The following PRPF40B variants were observed in gnomAD, a reference collection of about 807,000 sequenced individuals.
PRPF40B encodes pre-mRNA-processing factor 40 homolog B.
Under a neutral mutation model 124.5 loss-of-function variants are expected in PRPF40B, and 56 were observed. The ratio of observed to expected loss-of-function variants is 0.45; its 90% CI spans 0.36 to 0.56. PRPF40B has a LOEUF of 0.56. Ranked by LOEUF, PRPF40B falls within the 20% of genes least tolerant of loss-of-function variation. PRPF40B has a pLI of 0.00. For missense variants in PRPF40B, 1,053 were observed against 1,169.5 expected (o/e 0.90, Z 1.45); for synonymous variants, 443 against 426.4 (o/e 1.04, Z -0.48).
At position 49,635,351 on chromosome 12, in the gene PRPF40B, T is replaced by C. The variant is rs373682819; in HGVS notation, c.1167-14T>C. ...GTTCTCTGTCTACCTACTCACAGCTTATATGCTCCACAGGCGGGCAGAACA... is the reference window on the plus strand; with the variant it reads ...GTTCTCTGTCTACCTACTCACAGCTCATATGCTCCACAGGCGGGCAGAACA... On this transcript the variant is annotated splice_polypyrimidine_tract_variant and intron_variant, in intron 13 of 25. Transcript: ENST00000548825. This position sits in a 1 kb window ranked among gnomAD's most constrained non-coding sequence, Gnocchi z 4.1. The C allele has an allele frequency of 7.3e-5, 118 of 1,612,022 alleles. No individual in the cohort carries two copies. The highest frequency in any genetic ancestry group is 1.3e-4 in the Admixed American group (8 of 59,648).
At position 49,637,763 on chromosome 12, in the gene PRPF40B, A is replaced by T. The variant is rs201538338; in HGVS notation, c.1706A>T (p.Tyr569Phe). 2.6e-5 allele frequency: 41 copies of T among 1,603,982 alleles called. No homozygotes were observed. Among genetic ancestry groups the T allele is most frequent in the Non-Finnish European group, 3.1e-5 (36 of 1,175,114 alleles). Residue 569 changes from tyrosine (Y) to phenylalanine (F), a missense_variant, in exon 18 of 26, where the codon TAT becomes TTT. Coordinates refer to ENST00000548825, the MANE Select transcript of PRPF40B (RefSeq NM_001031698.3). The part of the protein sequence containing the change: ...GSTPLDLFKF[Y>F]VEELKARFHD... ...ACCCCTCTGGACTTATTCAAGTTCT[A>T]TGTGGAGGAGTTGAAGGCACGATTC... is the stretch of plus-strand genomic sequence containing the variant.
Position 49,635,572 on chromosome 12 carries a change from C to A in PRPF40B, c.1275+99C>A. The A allele has an allele frequency of 8.4e-7, 1 of 1,189,928 alleles. No homozygotes were observed. The highest frequency in any genetic ancestry group is 1.2e-6 in the Non-Finnish European group (1 of 841,990). 73.7% of individuals were successfully genotyped at this position (1,189,928 alleles called of 1,614,324 possible). A position where few individuals can be genotyped will look rare whatever the true frequency, so the allele number is the denominator to read the frequency against. ...CTCGCCATTTACTTCTCTACTTCCC[C>A]AGTGTCCCAGCTTCTGACTTGGAAG... On this transcript the variant is annotated intron_variant, in intron 14 of 25. Transcript: ENST00000548825. The surrounding 1 kb of genome is among the most constrained non-coding windows in gnomAD (Gnocchi z 4.1).
At position 49,630,542 on chromosome 12, in the gene PRPF40B, C is replaced by A; in HGVS notation, c.4-3C>A. ...GTCCTATGACTTTTCTCTCCCTCAA[C>A]AGTCGGTTCCCGATTCTGGTCCCCG... On this transcript the variant is annotated splice_polypyrimidine_tract_variant and splice_region_variant and intron_variant, in intron 1 of 25. Transcript: ENST00000548825. The A allele has an allele frequency of 7.3e-7, 1 of 1,367,428 alleles. No individual in the cohort carries two copies. Among genetic ancestry groups the A allele is most frequent in the Non-Finnish European group, 1.0e-6 (1 of 973,254 alleles). 84.7% of individuals were successfully genotyped at this position (1,367,428 alleles called of 1,614,324 possible).
chr12:49,637,910 C>T lies in PRPF40B; in HGVS notation c.1767+86C>T, dbSNP rs1302870492. 6.0e-4 allele frequency: 671 copies of T among 1,124,468 alleles called. 5 individuals carry two copies. The highest frequency in any genetic ancestry group is 6.8e-5 in the Non-Finnish European group (51 of 754,246). 69.7% of individuals were successfully genotyped at this position (1,124,468 alleles called of 1,614,324 possible). A position where few individuals can be genotyped will look rare whatever the true frequency, so the allele number is the denominator to read the frequency against. ...GGACTCCCTGATAAGTCCTGTTTTGCAGAAGCATTACAGCTTGGTTCAGCA... is the reference window on the plus strand; with the variant it reads ...GGACTCCCTGATAAGTCCTGTTTTGTAGAAGCATTACAGCTTGGTTCAGCA... On this transcript the variant is annotated intron_variant, in intron 18 of 25. Transcript: ENST00000548825.
In PRPF40B at chr12:49,635,853, A is replaced by G. The variant is rs768473087; in HGVS notation, c.1286A>G (p.Lys429Arg). The G allele has an allele frequency of 6.2e-6, 10 of 1,613,724 alleles. No homozygotes were observed. In the African/African-American group the frequency reaches 1.2e-4, roughly 19 times the overall value. Residue 429 changes from lysine (K) to arginine (R), a missense_variant, in exon 15 of 26, where the codon AAG (lysine) becomes AGG (arginine). Lys to Arg is a conservative substitution (Grantham distance 26). Coordinates refer to ENST00000548825, the MANE Select transcript of PRPF40B (RefSeq NM_001031698.3). This position sits in a 1 kb window ranked among gnomAD's most constrained non-coding sequence, Gnocchi z 4.1. ...CCTGTGGCTCCCTAGGAACAGGCCA[A>G]GCAGCTCCGGCGCCGCAATATCCAG... is the stretch of plus-strand genomic sequence containing the variant. ...FLAKKEKEQA[K>R]QLRRRNIQAL... is the part of the protein sequence containing the mutation.
Position 49,644,123 on chromosome 12 carries a change from T to C in PRPF40B, c.2610T>C (p.Ser870=). 1.9e-6 allele frequency: 3 copies of C among 1,614,022 alleles called. No homozygotes were observed. Among genetic ancestry groups the C allele is most frequent in the Non-Finnish European group, 1.7e-6 (2 of 1,179,980 alleles). Residue 870 remains serine, a synonymous_variant, in exon 26 of 26, where the codon AGT becomes AGC. Transcript: ENST00000548825. ...KEKTGWDTSE[S]ELSEGELERR... The stretch of plus-strand genomic sequence containing the variant: ...AGACAGGCTGGGACACGTCAGAAAG[T>C]GAGCTGAGTGAGGGTGAGCTGGAGA...
In PRPF40B at chr12:49,637,550, T is replaced by C; in HGVS notation, c.1641T>C (p.Thr547=). The change falls in exon 17 of 26, where the codon ACT becomes ACC. Residue 547 remains threonine, a synonymous_variant. Coordinates refer to ENST00000548825, the MANE Select transcript of PRPF40B (RefSeq NM_001031698.3). ...TWMELYPAVS[T]DVRFANMLGQ... is the part of the protein sequence containing the mutation. ...TGGAGCTATATCCAGCAGTCAGCAC[T>C]GATGTCCGCTTTGCCAACATGCTGG... 5 of 1,613,928 alleles carry C rather than the reference T, an allele frequency of 3.1e-6. No individual in the cohort carries two copies. Among genetic ancestry groups the C allele is most frequent in the Non-Finnish European group, 4.2e-6 (5 of 1,180,038 alleles).
rs755862071 is a variant in PRPF40B at position 49,642,453 on chromosome 12, C to T, written c.2022+81C>T. 24 of 1,572,230 alleles carry T rather than the reference C, an allele frequency of 1.5e-5. No individual in the cohort carries two copies. Among genetic ancestry groups the T allele is most frequent in the African/African-American group, 5.4e-5 (4 of 73,972 alleles). The stretch of plus-strand genomic sequence containing the variant: ...CACCACTGAGGGCCCACCCCAGTCA[C>T]GTCACAGCCCTGGGCCAGCTCCAGT... On this transcript the variant is annotated intron_variant, in intron 20 of 25. Coordinates refer to ENST00000548825, the MANE Select transcript of PRPF40B (RefSeq NM_001031698.3). This position sits in a 1 kb window ranked among gnomAD's most constrained non-coding sequence, Gnocchi z 5.8.
intron 1 of PRPF40B, among the ~76,000 whole-genome samples, chr12:49,624,324 GA>G (rs1348635979): frequency 6.6e-6 from 1 of 152,226 alleles, no homozygotes. Context: ...GGAAGCAAAG[GA>G]AAGGATGAAG....
rs764258978 is a variant in PRPF40B, at chr12:49,643,224, G to A, written c.2207G>A (p.Gly736Asp). 5.0e-6 allele frequency: 8 copies of A among 1,613,944 alleles called. No individual in the cohort carries two copies. In the African/African-American group the frequency reaches 1.1e-4, roughly 22 times the overall value. Residue 736 changes from glycine (G) to aspartate (D), a missense_variant and splice_region_variant, in exon 23 of 26, where the codon GGC becomes GAC. By Grantham distance (94) the Gly-to-Asp change is moderately conservative. This residue lies in a region of PRPF40B where 895 missense variants were observed against 1,052.2 expected (regional missense o/e 0.85). Transcript: ENST00000548825. ...ACATGTATCTGCTGATCTGCCCAGG[G>A]CTCTGAGTCAGAAGAAGAGGAGCTG... ...HHHKRSHSPS[G>D]SESEEEELPP...
At chr12:49,637,029 C>G (rs1156241472) in intron 16 of PRPF40B, 180 bp downstream of exon 16, 4 of 921,562 alleles carry the variant, frequency 4.3e-6, no homozygotes, top group Non-Finnish European at 6.5e-6. Flanking sequence ...CAATTCTGGA[C>G]TGTGCTCTTC....
chr12:49,628,250 TTTGTTG>T (rs770500504), intron 1 of PRPF40B, among the ~76,000 whole-genome samples: 5 of 151,822 alleles, frequency 3.3e-5, no homozygotes, highest in African/African-American at 7.3e-5. Context: ...TGAAGGACAG[TTTGTTG>T]TTGTTGTTGT....
chr12:49,633,179 C>A, intron 7 of PRPF40B, 55 bp downstream of exon 7: 1 of 1,452,512 alleles, frequency 6.9e-7, no homozygotes. Context: ...CCTTCCAAGT[C>A]CTTGGCCTTC....
Position 49,635,715 on chromosome 12 carries a change from C to G in PRPF40B, c.1276-128C>G. On this transcript the variant is annotated intron_variant, in intron 14 of 25. Transcript: ENST00000548825. This position sits in a 1 kb window ranked among gnomAD's most constrained non-coding sequence, Gnocchi z 4.1. ...CTGTACTCCCTCCCCTTCCCTGAGA[C>G]ATGAAAGTCTTGAGTATGGCCTTCT... 8.7e-7 allele frequency: 1 copy of G among 1,148,716 alleles called. No individual in the cohort carries two copies. The highest frequency in any genetic ancestry group is 1.2e-6 in the Non-Finnish European group (1 of 810,886). 71.2% of individuals were successfully genotyped at this position (1,148,716 alleles called of 1,614,324 possible). A position where few individuals can be genotyped will look rare whatever the true frequency, so the allele number is the denominator to read the frequency against.
At position 49,631,225 on chromosome 12, in the gene PRPF40B, G is replaced by A. The variant is rs770071692; in HGVS notation, c.85-176G>A. Among the ~76,000 whole-genome samples, 1 of 152,112 alleles carries A rather than the reference G, an allele frequency of 6.6e-6. No homozygotes were observed. Among genetic ancestry groups the A allele is most frequent in the African/African-American group, 2.4e-5 (1 of 41,406 alleles). On this transcript the variant is annotated intron_variant, in intron 2 of 25. Transcript: ENST00000548825. The surrounding 1 kb of genome is among the most constrained non-coding windows in gnomAD (Gnocchi z 4.3). Reference sequence around the variant, plus strand: ...ACCCCAGTTGTCAGTCTTTCTCAGTGGTGAGGAGGGAGGCAGTTTCATGCC... The same window carrying A: ...ACCCCAGTTGTCAGTCTTTCTCAGTAGTGAGGAGGGAGGCAGTTTCATGCC...
chr12:49,637,516 C>G lies in PRPF40B; in HGVS notation c.1607C>G (p.Ser536Cys). Reference protein sequence around the residue: ...LHETGQLHSMSTWMELYPAVS... With the variant: ...LHETGQLHSMCTWMELYPAVS... ...GAGACAGGGCAGCTGCACTCTATGT[C>G]CACCTGGATGGAGCTATATCCAGCA... is the stretch of plus-strand genomic sequence containing the variant. The change falls in exon 17 of 26, where the codon TCC becomes TGC. Residue 536 changes from serine to cysteine, a missense_variant. Ser to Cys is a moderately radical substitution (Grantham distance 112). This residue lies in a region of PRPF40B where 895 missense variants were observed against 1,052.2 expected (regional missense o/e 0.85). Coordinates refer to ENST00000548825, the MANE Select transcript of PRPF40B (RefSeq NM_001031698.3). 1.2e-6 allele frequency: 2 copies of G among 1,613,880 alleles called. No homozygotes were observed. The highest frequency in any genetic ancestry group is 1.7e-6 in the Non-Finnish European group (2 of 1,180,018).
chr12:49,631,362 T>C lies in PRPF40B; in HGVS notation c.85-39T>C, dbSNP rs764388500. 6.9e-7 allele frequency: 1 copy of C among 1,447,782 alleles called. No individual in the cohort carries two copies. The highest frequency in any genetic ancestry group is 2.6e-5 in the Admixed American group (1 of 38,658). The allele number at this position is 1,447,782 out of a possible 1,614,324, so 89.7% of individuals were successfully genotyped here. A position where few individuals can be genotyped will look rare whatever the true frequency, so the allele number is the denominator to read the frequency against. On this transcript the variant is annotated intron_variant, in intron 2 of 25. Coordinates refer to ENST00000548825, the MANE Select transcript of PRPF40B (RefSeq NM_001031698.3). The surrounding 1 kb of genome is among the most constrained non-coding windows in gnomAD (Gnocchi z 4.3). The stretch of plus-strand genomic sequence containing the variant: ...CCTCTCTACCTCTGACAAGGCGATG[T>C]CTTCCCTGCTCAGTATCTCTTCCTT...
At chr12:49,626,865 C>G (rs879445766) in intron 1 of PRPF40B, among the ~76,000 whole-genome samples, 1 of 152,124 alleles carries the variant, frequency 6.6e-6, no homozygotes, top group African/African-American at 2.4e-5. Context: ...AGTCCCAGTT[C>G]TGTCCCTAAC....
At chr12:49,627,698 A>G (rs1592573746) in intron 1 of PRPF40B, among the ~76,000 whole-genome samples, 2 of 152,168 alleles carry the variant, frequency 1.3e-5, no homozygotes, top group East Asian at 3.8e-4. Flanking sequence ...AGTTTTAAGC[A>G]GGGGGCTAAC....
Sources: gnomAD v4.1 joint callset for allele counts (sites outside exome capture counted in the v4.1 genomes callset) on GRCh38, gnomAD v4.1.1 for gene constraint, gnomAD v4.1.1 regional missense constraint, Gnocchi (gnomAD v3.1) non-coding constraint, MANE v1.5 for transcripts, NCBI Gene and HGNC (gene_info 2026-07-23, HGNC 2026-07-21) for gene names.